The following KIAA2012 variants were observed in gnomAD, a reference collection of about 807,000 sequenced individuals.
The protein encoded by KIAA2012 is KIAA2012.
Under a neutral mutation model 150.6 loss-of-function variants are expected in KIAA2012, and 125 were observed. The ratio of observed to expected loss-of-function variants is 0.83; its 90% CI spans 0.72 to 0.96. The LOEUF (loss-of-function observed/expected upper bound fraction) is 0.96, where lower values mean the gene tolerates loss of function less well. KIAA2012 is among the 40% of genes least tolerant of loss of function. The pLI, the probability that KIAA2012 is intolerant of heterozygous loss-of-function variation, is 0.00. For missense variants in KIAA2012, 1,219 were observed against 1,354.9 expected, an observed-to-expected ratio of 0.90 and a Z score of 1.57; for synonymous variants, 462 against 504.7, an observed-to-expected ratio of 0.92 and a Z score of 1.13.
chr2:202,182,026 T>C (rs934110525), intron 15 of KIAA2012, among the ~76,000 whole-genome samples: 1 of 152,096 alleles, frequency 6.6e-6, no homozygotes, highest in African/African-American at 2.4e-5. Context: ...ACTGATGTGT[T>C]TTCTGTCACT....
chr2:202,109,521 G>C, intron 9 of KIAA2012, 92 bp from the exon 10 acceptor site: 14 of 1,116,036 alleles, frequency 1.3e-5, no homozygotes, highest in Non-Finnish European at 1.7e-5. Flanking sequence ...TCTTCACACA[G>C]AGGTCCTTCA....
intron 19 of KIAA2012, among the ~76,000 whole-genome samples, chr2:202,191,405 T>C (rs1306131779): frequency 2.0e-5 from 3 of 151,640 alleles, no homozygotes. Context: ...TTCGGCCGGA[T>C]GCAGTGGCGC....
intron 13 of KIAA2012, among the ~76,000 whole-genome samples, chr2:202,144,818 T>C (rs1691265278): frequency 1.3e-5 from 2 of 152,194 alleles, no homozygotes; most frequent in Non-Finnish European, 2.9e-5. Context: ...AAAGTGAAAC[T>C]AAACCTGTCA....
chr2:202,115,521 T>G (rs889490295), intron 11 of KIAA2012: 3 of 152,210 alleles, frequency 2.0e-5, no homozygotes, highest in Non-Finnish European at 4.4e-5. Flanking sequence ...GCTGCCTAGA[T>G]GTAGCCTCAG....
chr2:202,102,965 T>C lies in KIAA2012; in HGVS notation c.1175T>C (p.Leu392Ser). 6.5e-7 allele frequency: 1 copy of C among 1,550,008 alleles called. No individual in the cohort carries two copies. The highest frequency in any genetic ancestry group is 8.7e-7 in the Non-Finnish European group (1 of 1,146,824). Residue 392 changes from leucine (L) to serine (S), a missense_variant, in exon 8 of 24, where the codon TTA becomes TCA. By Grantham distance (145) the Leu-to-Ser change is moderately radical. Transcript: ENST00000498697. Reference protein sequence around the residue: ...KKKKAPKALKLPPISEEPPRV... With the variant: ...KKKKAPKALKSPPISEEPPRV... Reference sequence around the variant, plus strand: ...CTCCAGGCACCAAAGGCTTTGAAATTACCTCCTATCTCAGAAGAACCACCC... The same window carrying C: ...CTCCAGGCACCAAAGGCTTTGAAATCACCTCCTATCTCAGAAGAACCACCC...
At chr2:202,160,629 A>G (rs1477271665) in intron 14 of KIAA2012, among the ~76,000 whole-genome samples, 4 of 152,208 alleles carry the variant, frequency 2.6e-5, no homozygotes, top group African/African-American at 9.6e-5. Context: ...ATAGTCTTTA[A>G]CAAAGACAAT....
intron 14 of KIAA2012, among the ~76,000 whole-genome samples, chr2:202,164,879 A>G (rs183960077): frequency 1.2e-4 from 19 of 152,220 alleles, no homozygotes; most frequent in African/African-American, 4.3e-4. Context: ...GAAAATAAGT[A>G]CAACCAGAAA....
At chr2:202,095,507 A>T (rs916370740) in intron 4 of KIAA2012, among the ~76,000 whole-genome samples, 1 of 152,208 alleles carries the variant, frequency 6.6e-6, no homozygotes, top group African/African-American at 2.4e-5. Flanking sequence ...ACTCCAATGC[A>T]CATTATCTGG....
At chr2:202,200,081 C>T (rs1692487972) in intron 22 of KIAA2012, among the ~76,000 whole-genome samples, 1 of 151,920 alleles carries the variant, frequency 6.6e-6, no homozygotes, top group Admixed American at 6.6e-5. Context: ...CAGGCGCATG[C>T]CACCACGCCC....
intron 2 of KIAA2012, among the ~76,000 whole-genome samples, chr2:202,078,901 A>G (rs984067064): frequency 2.0e-5 from 3 of 152,136 alleles, no homozygotes; most frequent in African/African-American, 4.8e-5. Context: ...CTGTTTTTAA[A>G]AAAGTGATTA....
At chr2:202,148,830 A>G (rs1027132687) in intron 13 of KIAA2012, among the ~76,000 whole-genome samples, 7 of 152,118 alleles carry the variant, frequency 4.6e-5, no homozygotes, top group African/African-American at 1.4e-4. Context: ...CCACAGACAG[A>G]GTGCCCTCCA....
intron 9 of KIAA2012, among the ~76,000 whole-genome samples, chr2:202,106,186 C>A (rs1356017082): frequency 6.6e-6 from 1 of 151,990 alleles, no homozygotes; most frequent in Non-Finnish European, 1.5e-5. Context: ...TACCCCCTAA[C>A]TCATCCCACT....
intron 4 of KIAA2012, among the ~76,000 whole-genome samples, chr2:202,095,074 T>C (rs1270413884): frequency 2.6e-5 from 4 of 152,202 alleles, no homozygotes; most frequent in African/African-American, 9.7e-5. Context: ...GGGAATTAAA[T>C]AATATACTAA....
At chr2:202,175,896 A>G (rs1236999747) in intron 15 of KIAA2012, among the ~76,000 whole-genome samples, 2 of 152,244 alleles carry the variant, frequency 1.3e-5, no homozygotes, top group African/African-American at 4.8e-5. Context: ...GACAGACAGA[A>G]GAGAATAGAG....
intron 22 of KIAA2012, among the ~76,000 whole-genome samples, chr2:202,198,109 G>A (rs1001775414): frequency 4.0e-5 from 6 of 149,194 alleles, no homozygotes; most frequent in African/African-American, 1.2e-4. Context: ...GGGAGATAGA[G>A]GTTGCAGTGA....
chr2:202,179,466 A>C, intron 15 of KIAA2012: 2 of 710,512 alleles, frequency 2.8e-6, no homozygotes, highest in South Asian at 2.7e-5. Flanking sequence ...ATTCTGTATG[A>C]TGAGCGAAGT....
intron 2 of KIAA2012, among the ~76,000 whole-genome samples, chr2:202,082,553 G>T (rs536080647): frequency 6.6e-6 from 1 of 151,588 alleles, no homozygotes; most frequent in South Asian, 2.1e-4. Flanking sequence ...CCAAGATCGT[G>T]CCACTGTACT....
intron 12 of KIAA2012, among the ~76,000 whole-genome samples, chr2:202,133,101 T>TTAAA (rs1553556979): frequency 2.7e-5 from 2 of 74,184 alleles, no homozygotes; most frequent in African/African-American, 1.2e-4. Context: ...TGAGACTGTC[T>TTAAA]AAAAAAAAAT....
chr2:202,179,506 C>CATAG, intron 15 of KIAA2012: 1 of 703,134 alleles, frequency 1.4e-6, no homozygotes, highest in Admixed American at 1.8e-5. Flanking sequence ...TTACCAAGCA[C>CATAG]ATAGGTTTGG....
Sources: gnomAD v4.1 joint callset for allele counts (sites outside exome capture counted in the v4.1 genomes callset) on GRCh38, gnomAD v4.1.1 for gene constraint, MANE v1.5 for transcripts, NCBI Gene and HGNC (gene_info 2026-07-23, HGNC 2026-07-21) for gene names.